The following SLC35F4 variants were observed in gnomAD, a reference collection of about 807,000 sequenced individuals.
The protein encoded by SLC35F4 is solute carrier family 35 member F4, also known as chromosome 14 open reading frame 36.
A neutral mutation model predicts 44.2 loss-of-function variants in SLC35F4; 24 were observed. The observed-to-expected ratio is 0.54, with a 90% confidence interval of 0.39 to 0.76. The LOEUF (loss-of-function observed/expected upper bound fraction) is 0.76. SLC35F4 is among the 30% of genes least tolerant of loss of function. SLC35F4 has a pLI of 0.00. For synonymous variants in SLC35F4, 238 were observed against 223.6 expected, an observed-to-expected ratio of 1.06 and a Z score of -0.57; for missense variants, 562 against 586.1, an observed-to-expected ratio of 0.96 and a Z score of 0.42.
rs182910469 is a variant in SLC35F4 at position 57,719,010 on chromosome 14, T to C, written c.104-124886A>G. On this transcript the variant is annotated intron_variant, in intron 1 of 7. Transcript: ENST00000556826. ...CTATAATCCATTTTGATAAGATTTTTGTATAAGGCAAGAGATAGGGGCCAA... is the reference window on the plus strand; with the variant it reads ...CTATAATCCATTTTGATAAGATTTTCGTATAAGGCAAGAGATAGGGGCCAA... Among the ~76,000 whole-genome samples the C allele has an allele frequency of 1.2e-4, 19 of 152,324 alleles. 1 individual carries two copies. The East Asian group carries it at 3.7e-3, about 29-fold the overall frequency.
At chr14:57,915,172 TGG>T (rs2141054017) in intron 1 of SLC35F4, among the ~76,000 whole-genome samples, 1 of 152,232 alleles carries the variant, frequency 6.6e-6, no homozygotes, top group Admixed American at 6.5e-5. Flanking sequence ...CACCAGAAAG[TGG>T]GAAACAGAGT....
chr14:57,589,802 A>G (rs1316929928), intron 2 of SLC35F4, among the ~76,000 whole-genome samples: 1 of 152,168 alleles, frequency 6.6e-6, no homozygotes, highest in East Asian at 1.9e-4. Context: ...TAAGAGCATT[A>G]CACATCCCAG....
chr14:57,574,421 C>A (rs2068675054), intron 4 of SLC35F4, among the ~76,000 whole-genome samples: 1 of 152,088 alleles, frequency 6.6e-6, no homozygotes, highest in African/African-American at 2.4e-5. Flanking sequence ...GCATTTTTCA[C>A]TTTAGGGGGT....
chr14:57,953,606 A>G (rs1890182556), intron 1 of SLC35F4, among the ~76,000 whole-genome samples: 1 of 152,192 alleles, frequency 6.6e-6, no homozygotes, highest in South Asian at 2.1e-4. Flanking sequence ...AATGGAAACC[A>G]AAAAAACCAG....
chr14:57,915,161 G>A (rs949507522), intron 1 of SLC35F4, among the ~76,000 whole-genome samples: 1 of 152,168 alleles, frequency 6.6e-6, no homozygotes, highest in African/African-American at 2.4e-5. Flanking sequence ...GAGGAGCACT[G>A]CACCAGAAAG....
At chr14:57,612,133 C>A (rs929674279) in intron 1 of SLC35F4, among the ~76,000 whole-genome samples, 4 of 152,250 alleles carry the variant, frequency 2.6e-5, no homozygotes, top group Middle Eastern at 3.4e-3. Context: ...CACCTATAAC[C>A]CCAGCAACTT....
At chr14:57,952,931 CA>C (rs1444481540) in intron 1 of SLC35F4, among the ~76,000 whole-genome samples, 1 of 152,034 alleles carries the variant, frequency 6.6e-6, no homozygotes, top group Non-Finnish European at 1.5e-5. Context: ...CCAGGAAATA[CA>C]GAGAACACCA....
intron 1 of SLC35F4, among the ~76,000 whole-genome samples, chr14:57,893,720 A>G (rs1008350564): frequency 6.6e-6 from 1 of 152,180 alleles, no homozygotes; most frequent in Non-Finnish European, 1.5e-5. Flanking sequence ...TAAAGTTTCA[A>G]TCCCAACCAA....
chr14:57,588,011 C>G (rs921501282), intron 3 of SLC35F4, among the ~76,000 whole-genome samples: 4 of 151,882 alleles, frequency 2.6e-5, no homozygotes, highest in African/African-American at 9.7e-5. Context: ...CATGGTGAAA[C>G]CCATCTCTAC....
chr14:57,669,674 A>G (rs62004031), intron 1 of SLC35F4, among the ~76,000 whole-genome samples: 1 of 152,042 alleles, frequency 6.6e-6, no homozygotes, highest in African/African-American at 2.4e-5. Context: ...CATCCCAGGG[A>G]TGAAGCCCAC....
chr14:57,618,232 G>A (rs2071966306), intron 1 of SLC35F4, among the ~76,000 whole-genome samples: 1 of 152,168 alleles, frequency 6.6e-6, no homozygotes, highest in African/African-American at 2.4e-5. Flanking sequence ...CAGTCATCGT[G>A]GCAGCTTACT....
At chr14:57,940,002 G>A (rs1280157216) in intron 1 of SLC35F4, among the ~76,000 whole-genome samples, 25 of 152,256 alleles carry the variant, frequency 1.6e-4, no homozygotes, top group Non-Finnish European at 2.9e-5. Context: ...TCCCTTTTTG[G>A]AGAACAGTTT....
chr14:57,864,442 T>C (rs1451047358), intron 1 of SLC35F4, among the ~76,000 whole-genome samples: 1 of 152,216 alleles, frequency 6.6e-6, no homozygotes, highest in Non-Finnish European at 1.5e-5. Flanking sequence ...CCAAATCAGA[T>C]AGGCCTTTCC....
At chr14:57,699,763 A>G (rs1008357110) in intron 1 of SLC35F4, among the ~76,000 whole-genome samples, 2 of 152,218 alleles carry the variant, frequency 1.3e-5, no homozygotes, top group Non-Finnish European at 2.9e-5. Context: ...TACTTTAAGG[A>G]CACATAGACC....
chr14:57,639,666 G>C (rs1454000502), intron 1 of SLC35F4, among the ~76,000 whole-genome samples: 1 of 151,854 alleles, frequency 6.6e-6, no homozygotes. Flanking sequence ...ACTTTATTAG[G>C]TGATGTGGCA....
intron 1 of SLC35F4, among the ~76,000 whole-genome samples, chr14:57,860,078 G>A (rs567201552): frequency 2.6e-5 from 4 of 152,220 alleles, no homozygotes; most frequent in East Asian, 1.9e-4. Context: ...CTCAGGGAAG[G>A]CAGAAAGTGA....
At chr14:57,857,886 G>A (rs1172723809) in intron 1 of SLC35F4, among the ~76,000 whole-genome samples, 2 of 151,988 alleles carry the variant, frequency 1.3e-5, no homozygotes, top group East Asian at 3.8e-4. Flanking sequence ...AAAGCACTGA[G>A]AAGCAAAAGA....
intron 1 of SLC35F4, among the ~76,000 whole-genome samples, chr14:57,822,908 A>G (rs551490311): frequency 5.3e-5 from 8 of 152,132 alleles, no homozygotes; most frequent in South Asian, 2.1e-4. Context: ...TCTCTTCTGT[A>G]TCTACAACTT....
rs147167162 is a variant in SLC35F4, at chr14:57,696,610, T to C, written c.104-102486A>G. ...TAAATCATTCTACTATAAAGACACA[T>C]GCACATGTATGTTTACTGCAGCACG... On this transcript the variant is annotated intron_variant, in intron 1 of 7. Coordinates refer to ENST00000556826, the MANE Select transcript of SLC35F4 (RefSeq NM_001306087.2). Among the ~76,000 whole-genome samples the C allele has an allele frequency of 2.1e-3, 315 of 152,332 alleles. 1 individual carries two copies. The highest frequency in any genetic ancestry group is 7.2e-3 in the African/African-American group (300 of 41,584).
Sources: allele counts gnomAD v4.1 joint callset (sites outside exome capture counted in the v4.1 genomes callset), GRCh38; gene constraint gnomAD v4.1.1; transcripts MANE v1.5; gene names NCBI Gene and HGNC (gene_info 2026-07-23, HGNC 2026-07-21).